Variants in CD44 observed in about 807,000 individuals in gnomAD.
CD44 encodes the protein CD44 antigen.
In CD44, 49 loss-of-function variants were observed where a neutral mutation model predicts 88.8. That is an observed-to-expected ratio of 0.55 (90% CI 0.44 to 0.70). The LOEUF (loss-of-function observed/expected upper bound fraction) is 0.70. Ranked by LOEUF, CD44 falls within the 30% of genes least tolerant of loss-of-function variation. CD44 has a pLI of 0.00. For missense variants in CD44, 883 were observed against 913.8 expected (o/e 0.97, Z 0.43); for synonymous variants, 325 against 312.3 (o/e 1.04, Z -0.43).
rs1176221389 is a variant in CD44 at position 35,214,184 on chromosome 11, T to G, written c.1811-668T>G. Among the ~76,000 whole-genome samples, 3 of 152,198 alleles carry G rather than the reference T, an allele frequency of 2.0e-5. No individual in the cohort carries two copies. In the South Asian group the frequency reaches 6.2e-4, roughly 31 times the overall value. ...TTATATTAACTAGTCATGTTGAAAC[T>G]ACAGATTTAACTTTAAAAAATTATT... On this transcript the variant is annotated intron_variant, in intron 14 of 17. Transcript: ENST00000428726.
At chr11:35,195,976 C>G (rs1946700486) in intron 5 of CD44, among the ~76,000 whole-genome samples, 1 of 152,074 alleles carries the variant, frequency 6.6e-6, no homozygotes, top group Non-Finnish European at 1.5e-5. Context: ...GTCATTTTCC[C>G]TGTGTGTTGG....
At chr11:35,164,046 G>A (rs912041158) in intron 1 of CD44, among the ~76,000 whole-genome samples, 7 of 152,058 alleles carry the variant, frequency 4.6e-5, no homozygotes, top group African/African-American at 7.2e-5. Context: ...CTGGCACACA[G>A]TAGGTACTCT....
chr11:35,215,866 T>TGG (rs1565150135), intron 15 of CD44, among the ~76,000 whole-genome samples: 6 of 151,208 alleles, frequency 4.0e-5, no homozygotes, highest in Admixed American at 1.3e-4. Flanking sequence ...AGCAAGACTC[T>TGG]GTCTCAAAAA....
intron 1 of CD44, among the ~76,000 whole-genome samples, chr11:35,140,048 T>C (rs1433800144): frequency 6.6e-6 from 1 of 152,232 alleles, no homozygotes; most frequent in Non-Finnish European, 1.5e-5. Flanking sequence ...AGGCAACCAC[T>C]GGACCAGCTG....
At chr11:35,169,107 C>T (rs1222608206) in intron 1 of CD44, among the ~76,000 whole-genome samples, 1 of 152,106 alleles carries the variant, frequency 6.6e-6, no homozygotes, top group Non-Finnish European at 1.5e-5. Context: ...GATAGGTGAT[C>T]TTTTTGCACC....
chr11:35,221,090 C>G (rs374487874), intron 16 of CD44, among the ~76,000 whole-genome samples: 5 of 152,166 alleles, frequency 3.3e-5, no homozygotes, highest in African/African-American at 1.2e-4. Flanking sequence ...AAAATATATA[C>G]CAAAATGTGA....
At chr11:35,210,258 A>C in intron 13 of CD44, 1 of 371,666 alleles carries the variant, frequency 2.7e-6, no homozygotes, top group Non-Finnish European at 4.8e-6. Context: ...ACATTTCTTC[A>C]TCTTAAAAGT....
intron 3 of CD44, among the ~76,000 whole-genome samples, chr11:35,185,046 G>A (rs898819346): frequency 7.9e-5 from 12 of 152,168 alleles, no homozygotes; most frequent in Admixed American, 6.5e-4. Context: ...ACATTTCTAG[G>A]GAGGGAGGCA....
rs780014889 is a variant in CD44 at position 35,180,290 on chromosome 11, G to A, written c.250G>A (p.Gly84Arg). ...CTCTTACAGGTATGGGTTCATAGAAGGGCACGTGGTGATTCCCCGGATCCA... is the reference window on the plus strand; with the variant it reads ...CTCTTACAGGTATGGGTTCATAGAAAGGCACGTGGTGATTCCCCGGATCCA... The part of the protein sequence containing the change: ...FETCRYGFIE[G>R]HVVIPRIHPN... Residue 84 changes from glycine (G) to arginine (R), a missense_variant, in exon 3 of 18, where the codon GGG becomes AGG. By Grantham distance (125) the Gly-to-Arg change is moderately radical. Around this residue, in one of 2 missense-constraint regions of CD44, gnomAD observed 252 missense variants for 322.9 expected, o/e 0.78. Transcript: ENST00000428726. 1 of 1,614,116 alleles carries A rather than the reference G, an allele frequency of 6.2e-7. No individual in the cohort carries two copies. Among genetic ancestry groups the A allele is most frequent in the Non-Finnish European group, 8.5e-7 (1 of 1,180,002 alleles).
chr11:35,189,644 C>T (rs1333802046), intron 4 of CD44, among the ~76,000 whole-genome samples, 191 bp from the exon 5 acceptor site: 1 of 152,188 alleles, frequency 6.6e-6, no homozygotes, highest in African/African-American at 2.4e-5. Context: ...TGTTTCCTGC[C>T]TCATCCCCAG....
intron 17 of CD44, among the ~76,000 whole-genome samples, chr11:35,227,139 C>T (rs1292485355): frequency 6.6e-6 from 1 of 152,112 alleles, no homozygotes; most frequent in Non-Finnish European, 1.5e-5. Flanking sequence ...GATCCTTCTG[C>T]CTCAGCCTCC....
At chr11:35,220,475 T>C (rs1949203232) in intron 16 of CD44, among the ~76,000 whole-genome samples, 1 of 152,104 alleles carries the variant, frequency 6.6e-6, no homozygotes, top group South Asian at 2.1e-4. Context: ...AACCAAAATT[T>C]CCAAGAAGAA....
At position 35,139,225 on chromosome 11, in the gene CD44, C is replaced by G. The variant is rs947011631; in HGVS notation, c.-79C>G. ...CAGGTTCGGTCCGCCATCCTCGTCC[C>G]GTCCTCCGCCGGCCCCTGCCCCGCG... On this transcript the variant is annotated 5_prime_UTR_variant, in exon 1 of 18. Transcript: ENST00000428726. 5 of 1,153,382 alleles carry G rather than the reference C, an allele frequency of 4.3e-6. No homozygotes were observed. The highest frequency in any genetic ancestry group is 5.1e-5 in the East Asian group (2 of 39,006). 71.4% of individuals were successfully genotyped at this position (1,153,382 alleles called of 1,614,324 possible).
intron 3 of CD44, among the ~76,000 whole-genome samples, chr11:35,181,311 TC>T (rs1431601154): frequency 1.3e-5 from 2 of 152,204 alleles, no homozygotes; most frequent in Admixed American, 1.3e-4. Context: ...TTTCTCTATG[TC>T]TTTGTGACTT....
intron 16 of CD44, among the ~76,000 whole-genome samples, chr11:35,220,578 T>C (rs941463503): frequency 1.3e-5 from 2 of 152,204 alleles, no homozygotes; most frequent in South Asian, 2.1e-4. Context: ...TTTAGTGGAG[T>C]TGTCAAGTCA....
chr11:35,179,842 A>G (rs1168706907), intron 2 of CD44, among the ~76,000 whole-genome samples: 1 of 151,802 alleles, frequency 6.6e-6, no homozygotes, highest in Non-Finnish European at 1.5e-5. Context: ...ATAAAGAAGC[A>G]CCCCTTCCTA....
At chr11:35,179,593 A>G (rs1159856568) in intron 2 of CD44, among the ~76,000 whole-genome samples, 1 of 152,182 alleles carries the variant, frequency 6.6e-6, no homozygotes, top group African/African-American at 2.4e-5. Flanking sequence ...AGCCGTTGCT[A>G]TCTGCTTACT....
chr11:35,176,039 A>ATTTTTTTTTT (rs201610565), intron 1 of CD44, among the ~76,000 whole-genome samples: 11 of 102,196 alleles, frequency 1.1e-4, no homozygotes, highest in Non-Finnish European at 2.0e-4. Context: ...TAATTTTTGT[A>ATTTTTTTTTT]TTTTTTTTTT....
chr11:35,211,339 C>CTG lies in CD44; in HGVS notation c.1700_1701insTG (p.Lys568GlyfsTer10). 1.9e-6 allele frequency: 3 copies of CTG among 1,613,868 alleles called. No homozygotes were observed. Among genetic ancestry groups the CTG allele is most frequent in the African/African-American group, 2.7e-5 (2 of 75,018 alleles). ...GGTTATACCTCTCATTACCCACACA[C>CTG]GAAGGAAAGCAGGACCTTCATCCCA... is the stretch of plus-strand genomic sequence containing the variant. On this transcript the variant is annotated frameshift_variant, in exon 14 of 18. Transcript: ENST00000428726. LOFTEE classifies it high-confidence loss of function.
Sources: gnomAD v4.1 joint callset for allele counts (sites outside exome capture counted in the v4.1 genomes callset) on GRCh38, gnomAD v4.1.1 for gene constraint, gnomAD v4.1.1 regional missense constraint, MANE v1.5 for transcripts, NCBI Gene and HGNC (gene_info 2026-07-23, HGNC 2026-07-21) for gene names.